OGDH: variants seen among roughly 807,000 people sequenced by gnomAD.
OGDH encodes 2-oxoglutarate dehydrogenase complex component E1.
In OGDH, 38 loss-of-function variants were observed where a neutral mutation model predicts 116.6. The ratio of observed to expected loss-of-function variants is 0.33; its 90% CI spans 0.25 to 0.43. The LOEUF (loss-of-function observed/expected upper bound fraction) is 0.43, where lower values mean the gene tolerates loss of function less well. Ranked by LOEUF, OGDH falls within the 20% of genes least tolerant of loss-of-function variation. The pLI is 1.00. For missense variants in OGDH, 825 were observed against 1,357.2 expected, an observed-to-expected ratio of 0.61 and a Z score of 6.16; for synonymous variants, 488 against 533.3, an observed-to-expected ratio of 0.92 and a Z score of 1.17.
Position 44,673,940 on chromosome 7 carries a change from A to C in OGDH, c.787A>C (p.Arg263=). Residue 263 remains arginine (R), a splice_region_variant and synonymous_variant, in exon 6 of 23, where the codon AGG becomes CGG. Coordinates refer to ENST00000222673, the MANE Select transcript of OGDH (RefSeq NM_002541.4). ...TLLARLVRST[R]FEEFLQRKWS... The stretch of plus-strand genomic sequence containing the variant: ...GCTGGCCAGGCTTGTGCGGTCCACC[A>C]GGTATGGGTCTGGCCCTGGGCCATG... The C allele has an allele frequency of 6.2e-7, 1 of 1,614,146 alleles. No homozygotes were observed. Among genetic ancestry groups the C allele is most frequent in the Non-Finnish European group, 8.5e-7 (1 of 1,180,010 alleles).
intron 2 of OGDH, among the ~76,000 whole-genome samples, chr7:44,636,125 A>C (rs1425925592): frequency 6.6e-6 from 1 of 152,226 alleles, no homozygotes; most frequent in East Asian, 1.9e-4. Flanking sequence ...ATCCTCATGC[A>C]GTTCATGGGA....
chr7:44,708,028 C>T lies in OGDH; in HGVS notation c.*29C>T, dbSNP rs1227065920. The T allele has an allele frequency of 6.2e-7, 1 of 1,605,646 alleles. No individual in the cohort carries two copies. The highest frequency in any genetic ancestry group is 1.1e-5 in the South Asian group (1 of 90,494). On this transcript the variant is annotated 3_prime_UTR_variant, in exon 23 of 23. Coordinates refer to ENST00000222673, the MANE Select transcript of OGDH (RefSeq NM_002541.4). ...CTGCCTAGGGTTGCTTGGGCCACTGCCCTCTCCACACCCATGACTGCCCCT... is the reference window on the plus strand; with the variant it reads ...CTGCCTAGGGTTGCTTGGGCCACTGTCCTCTCCACACCCATGACTGCCCCT...
intron 6 of OGDH, 75 bp from the exon 7 acceptor site, chr7:44,674,336 T>C (rs934573245): frequency 2.8e-5 from 45 of 1,585,214 alleles, no homozygotes; most frequent in African/African-American, 5.4e-5. Flanking sequence ...TGAGCCTCCA[T>C]GCCTGGCCAG....
At position 44,697,189 on chromosome 7, in the gene OGDH, C is replaced by A; in HGVS notation, c.2051+125C>A. On this transcript the variant is annotated intron_variant, in intron 15 of 22. Transcript: ENST00000222673. The surrounding 1 kb of genome is among the most constrained non-coding windows in gnomAD (Gnocchi z 6.0). ...AGTCACATTGCTCTCAGGCTGAAAA[C>A]CTCTGTCCCTCATTTGCTATGGGTG... The A allele has an allele frequency of 6.8e-7, 1 of 1,468,250 alleles. No individual in the cohort carries two copies. Among genetic ancestry groups the A allele is most frequent in the Non-Finnish European group, 9.3e-7 (1 of 1,080,582 alleles). 91.0% of individuals were successfully genotyped at this position (1,468,250 alleles called of 1,614,324 possible).
At chr7:44,671,474 T>C (rs772239283) in intron 5 of OGDH, among the ~76,000 whole-genome samples, 1 of 152,028 alleles carries the variant, frequency 6.6e-6, no homozygotes, top group South Asian at 2.1e-4. Flanking sequence ...AATAAAAATA[T>C]CTTAAATAGC....
chr7:44,706,673 CT>C (rs1328565861), intron 20 of OGDH, among the ~76,000 whole-genome samples: 1 of 142,384 alleles, frequency 7.0e-6, no homozygotes, highest in Non-Finnish European at 1.5e-5. Context: ...GTTGCCCAGA[CT>C]GTAGTGCATG....
chr7:44,701,394 C>G (rs549354423), intron 19 of OGDH, 149 bp from the exon 20 acceptor site: 9 of 657,712 alleles, frequency 1.4e-5, no homozygotes, highest in Non-Finnish European at 2.2e-5. Flanking sequence ...CCCTCCTTCT[C>G]TGCCTCTTCT....
chr7:44,653,856 T>A (rs1786564711), intron 4 of OGDH, among the ~76,000 whole-genome samples: 1 of 151,650 alleles, frequency 6.6e-6, no homozygotes, highest in Admixed American at 6.6e-5. Flanking sequence ...TATTTTTATT[T>A]TATTTTATTT....
At chr7:44,677,290 T>C (rs1424521737) in intron 9 of OGDH, among the ~76,000 whole-genome samples, 1 of 152,170 alleles carries the variant, frequency 6.6e-6, no homozygotes, top group African/African-American at 2.4e-5. Context: ...AAATAGCACA[T>C]ACACGGCATG....
intron 2 of OGDH, among the ~76,000 whole-genome samples, chr7:44,625,919 G>A (rs957040684): frequency 2.6e-5 from 4 of 152,238 alleles, no homozygotes; most frequent in Middle Eastern, 3.4e-3. Context: ...GTTACAGTGC[G>A]CTGTGATGGT....
Position 44,707,879 on chromosome 7 carries a change from G to A in OGDH, c.2952G>A (p.Trp984Ter). Residue 984 changes from tryptophan to a stop codon, truncating the protein, a stop_gained and splice_region_variant, in exon 23 of 23, where the codon TGG becomes TGA. Coordinates refer to ENST00000222673, the MANE Select transcript of OGDH (RefSeq NM_002541.4). LOFTEE classifies it high-confidence loss of function. The surrounding 1 kb of genome is among the most constrained non-coding windows in gnomAD (Gnocchi z 5.2). Reference sequence around the variant, plus strand: ...ACTGCCCCCTCCCTCCATCTCTCAGGTATGCCGGCCGGGACCCAGCGGCTG... The same window carrying A: ...ACTGCCCCCTCCCTCCATCTCTCAGATATGCCGGCCGGGACCCAGCGGCTG... ...RTTISRAKPV[W>*]YAGRDPAAAP... 1 of 1,612,620 alleles carries A rather than the reference G, an allele frequency of 6.2e-7. No individual in the cohort carries two copies. Among genetic ancestry groups the A allele is most frequent in the Non-Finnish European group, 8.5e-7 (1 of 1,179,454 alleles).
chr7:44,674,043 G>A, intron 6 of OGDH, 102 bp downstream of exon 6: 3 of 1,373,260 alleles, frequency 2.2e-6, no homozygotes, highest in Admixed American at 2.0e-5. Flanking sequence ...CGAGGTGAGA[G>A]GGGGTTTGGG....
At chr7:44,616,717 GTATA>G (rs1204479752) in intron 1 of OGDH, among the ~76,000 whole-genome samples, 1 of 136,038 alleles carries the variant, frequency 7.4e-6, no homozygotes, top group East Asian at 2.1e-4. Flanking sequence ...ACATGTTTAT[GTATA>G]TATACACATA....
At chr7:44,689,392 C>CTTTTTT (rs561058807) in intron 10 of OGDH, among the ~76,000 whole-genome samples, 4 of 71,216 alleles carry the variant, frequency 5.6e-5, no homozygotes, top group African/African-American at 1.2e-4. Context: ...ATTTTTTTTT[C>CTTTTTT]TTTTTTTTTT....
chr7:44,661,571 A>T lies in OGDH; in HGVS notation c.518-5165A>T, dbSNP rs186779070. On this transcript the variant is annotated intron_variant, in intron 4 of 22. Transcript: ENST00000222673. Reference sequence around the variant, plus strand: ...TGGATTTTTAAACCCACATTTAAAAATTTTTTTTTAATTATGTATAGTTTA... The same window carrying T: ...TGGATTTTTAAACCCACATTTAAAATTTTTTTTTTAATTATGTATAGTTTA... Among the ~76,000 whole-genome samples the T allele has an allele frequency of 3.2e-3, 479 of 150,486 alleles. 1 individual carries two copies. Among genetic ancestry groups the T allele is most frequent in the East Asian group, 8.7e-3 (45 of 5,150 alleles).
chr7:44,629,000 CTG>C (rs1491128618), intron 2 of OGDH, among the ~76,000 whole-genome samples: 7 of 152,206 alleles, frequency 4.6e-5, no homozygotes, highest in Non-Finnish European at 1.0e-4. Context: ...GTGCTCCTCA[CTG>C]ACCCCTCTTA....
chr7:44,677,892 AAAG>A (rs1438444865), intron 9 of OGDH, among the ~76,000 whole-genome samples: 2 of 151,928 alleles, frequency 1.3e-5, no homozygotes, highest in East Asian at 1.9e-4. Flanking sequence ...AAAAAAAAAA[AAAG>A]AAGTGGAACC....
At chr7:44,693,034 C>T (rs988260062) in intron 10 of OGDH, among the ~76,000 whole-genome samples, 1 of 149,258 alleles carries the variant, frequency 6.7e-6, no homozygotes. Flanking sequence ...TCTTGCTGGG[C>T]GTGGTGGCTC....
At chr7:44,702,020 G>C (rs1165965009) in intron 20 of OGDH, among the ~76,000 whole-genome samples, 1 of 150,280 alleles carries the variant, frequency 6.7e-6, no homozygotes, top group Non-Finnish European at 1.5e-5. Flanking sequence ...GCAGTGAGCT[G>C]CTATCACGCC....
Sources: allele counts gnomAD v4.1 joint callset (sites outside exome capture counted in the v4.1 genomes callset), GRCh38; gene constraint gnomAD v4.1.1; non-coding constraint Gnocchi (gnomAD v3.1); transcripts MANE v1.5; gene names NCBI Gene and HGNC (gene_info 2026-07-23, HGNC 2026-07-21).